ZNF567: variants seen among roughly 807,000 people sequenced by gnomAD.
The protein encoded by ZNF567 is zinc finger protein 567.
A neutral mutation model predicts 53.9 loss-of-function variants in ZNF567; 36 were observed. That is an observed-to-expected ratio of 0.67 (90% CI 0.51 to 0.88). The LOEUF is 0.88. Ranked by LOEUF, ZNF567 falls within the 40% of genes least tolerant of loss-of-function variation. The probability of loss-of-function intolerance (pLI) is 0.00; values close to 1 mark genes in which losing one functional copy is unlikely to be tolerated. For synonymous variants in ZNF567, 224 were observed against 260.4 expected (o/e 0.86, Z 1.35); for missense variants, 619 against 764.7 (o/e 0.81, Z 2.25).
chr19:36,700,990 C>T (rs1340501808), intron 3 of ZNF567, among the ~76,000 whole-genome samples: 5 of 151,082 alleles, frequency 3.3e-5, no homozygotes, highest in Admixed American at 1.3e-4. Flanking sequence ...GCTCTTGCTT[C>T]TCTAGTTCTT....
the ZNF567 span, among the ~76,000 whole-genome samples, chr19:36,674,681 T>C: frequency 6.6e-6 from 1 of 152,014 alleles, no homozygotes; most frequent in Non-Finnish European, 1.5e-5. Flanking sequence ...CAAATTAATA[T>C]TTTTTTTAAC....
intron 3 of ZNF567, among the ~76,000 whole-genome samples, chr19:36,700,876 C>T (rs1346750677): frequency 6.6e-6 from 1 of 152,018 alleles, no homozygotes; most frequent in East Asian, 1.9e-4. Context: ...AAAACCAGCT[C>T]CTGGATTCAT....
At chr19:36,701,745 A>T (rs2039198294) in intron 3 of ZNF567, among the ~76,000 whole-genome samples, 1 of 147,768 alleles carries the variant, frequency 6.8e-6, no homozygotes, top group Admixed American at 6.9e-5. Flanking sequence ...CTAGGATTGC[A>T]ACCCCTGCCT....
intron 3 of ZNF567, among the ~76,000 whole-genome samples, chr19:36,699,282 T>G (rs1421850942): frequency 2.0e-5 from 3 of 152,320 alleles, no homozygotes; most frequent in African/African-American, 7.2e-5. Context: ...TTGATCTATA[T>G]CTCTGTTTTG....
chr19:36,687,459 A>G (rs2038305278), upstream of ZNF567: 1 of 152,300 alleles, frequency 6.6e-6, no homozygotes, highest in South Asian at 2.1e-4. Flanking sequence ...GGAACCAGAG[A>G]TCAAAGTTCG....
the ZNF567 span, among the ~76,000 whole-genome samples, chr19:36,676,510 C>T: frequency 6.6e-6 from 1 of 152,040 alleles, no homozygotes; most frequent in East Asian, 1.9e-4. Flanking sequence ...CTATGTATAC[C>T]CCACCCTCCC....
chr19:36,687,122 A>C (rs1000515902), upstream of ZNF567: 5 of 152,602 alleles, frequency 3.3e-5, no homozygotes, highest in African/African-American at 4.8e-5. Context: ...ACAACACCAC[A>C]GACCTAAAAG....
chr19:36,679,157 G>A, the ZNF567 span, among the ~76,000 whole-genome samples: 6 of 152,136 alleles, frequency 3.9e-5, no homozygotes, highest in East Asian at 1.9e-4. Context: ...ATGGTGGTAC[G>A]CACCTGTCGT....
chr19:36,679,290 A>AC, the ZNF567 span, among the ~76,000 whole-genome samples: 34 of 152,132 alleles, frequency 2.2e-4, no homozygotes, highest in Non-Finnish European at 4.6e-4. Flanking sequence ...CATCCCCCCC[A>AC]AAAAAACCAC....
chr19:36,711,752 A>C (rs2039798242), intron 3 of ZNF567: 1 of 152,188 alleles, frequency 6.6e-6, no homozygotes, highest in African/African-American at 2.4e-5. Context: ...GTGTTTACTT[A>C]CATTTTCTTG....
chr19:36,689,621 C>T (rs2038489108), intron 2 of ZNF567, 124 bp downstream of exon 2: 1 of 152,148 alleles, frequency 6.6e-6, no homozygotes, highest in Non-Finnish European at 1.5e-5. Flanking sequence ...ATTCAGTGGC[C>T]CACCGACTCT....
chr19:36,693,916 G>A (rs2038747399), intron 2 of ZNF567, among the ~76,000 whole-genome samples: 1 of 152,100 alleles, frequency 6.6e-6, no homozygotes, highest in Non-Finnish European at 1.5e-5. Flanking sequence ...AAATTATTTG[G>A]GGCCGGGCAC....
chr19:36,721,321 T>TA lies in ZNF567; in HGVS notation c.*656dup. 1 of 152,226 alleles carries TA rather than the reference T, an allele frequency of 6.6e-6. No individual in the cohort carries two copies. Among genetic ancestry groups the TA allele is most frequent in the Non-Finnish European group, 1.5e-5 (1 of 68,030 alleles). The allele number at this position is 152,226 out of a possible 1,614,324, so 9.4% of individuals were successfully genotyped here. On this transcript the variant is annotated 3_prime_UTR_variant, in exon 6 of 6. Transcript: ENST00000682579. ...TTGTGTAATAATAAAAATACTGCTG[T>TA]AAATATTCTTGTTTATATCATGTGT... is the stretch of plus-strand genomic sequence containing the variant.
intron 5 of ZNF567, among the ~76,000 whole-genome samples, chr19:36,715,509 AATT>A (rs747530916): frequency 0.018 from 823 of 45,720 alleles, 8 homozygotes; most frequent in Middle Eastern, 0.071. Context: ...TAATAATAAT[AATT>A]ATTATTATTA....
chr19:36,685,805 T>C (rs985735184), upstream of ZNF567: 68 of 152,318 alleles, frequency 4.5e-4, no homozygotes, highest in African/African-American at 1.4e-3. Flanking sequence ...AGCTTATTAT[T>C]TGGGGGGCTT....
upstream of ZNF567, chr19:36,686,018 CAG>C (rs2038261818): frequency 6.6e-6 from 1 of 152,178 alleles, no homozygotes. Flanking sequence ...ATGGTGGTCT[CAG>C]GGCAGGAAAA....
chr19:36,716,111 CT>C (rs138651052), intron 5 of ZNF567, among the ~76,000 whole-genome samples: 87 of 151,142 alleles, frequency 5.8e-4, no homozygotes, highest in South Asian at 1.7e-3. Context: ...CAGTTTTTCC[CT>C]TTTTTTTTAT....
intron 5 of ZNF567, among the ~76,000 whole-genome samples, chr19:36,718,659 A>G (rs1042622465): frequency 1.3e-5 from 2 of 152,176 alleles, no homozygotes; most frequent in East Asian, 1.9e-4. Context: ...CTGAACACTT[A>G]TCTAACCATC....
At chr19:36,704,672 A>G (rs1350021563) in intron 3 of ZNF567, among the ~76,000 whole-genome samples, 1 of 152,140 alleles carries the variant, frequency 6.6e-6, no homozygotes, top group Non-Finnish European at 1.5e-5. Flanking sequence ...TAATGGATCT[A>G]ATGTATAGTT....
Sources: gnomAD v4.1 joint callset for allele counts (sites outside exome capture counted in the v4.1 genomes callset) on GRCh38, gnomAD v4.1.1 for gene constraint, MANE v1.5 for transcripts, NCBI Gene and HGNC (gene_info 2026-07-23, HGNC 2026-07-21) for gene names.